GALNT13: variants seen among roughly 807,000 people sequenced by gnomAD.
The protein encoded by GALNT13 is polypeptide N-acetylgalactosaminyltransferase 13.
A neutral mutation model predicts 64.2 loss-of-function variants in GALNT13; 28 were observed. The ratio of observed to expected loss-of-function variants is 0.44; its 90% confidence interval spans 0.32 to 0.60. The LOEUF (loss-of-function observed/expected upper bound fraction) is 0.60. Ranked by LOEUF, GALNT13 falls within the 20% of genes least tolerant of loss-of-function variation. The probability of loss-of-function intolerance (pLI) is 0.05; values close to 1 mark genes in which losing one functional copy is unlikely to be tolerated. For missense variants in GALNT13, 577 were observed against 669.8 expected, an observed-to-expected ratio of 0.86 and a Z score of 1.53; for synonymous variants, 214 against 224.6, an observed-to-expected ratio of 0.95 and a Z score of 0.42.
the GALNT13 span, among the ~76,000 whole-genome samples, chr2:153,753,144 T>C: frequency 6.6e-6 from 1 of 152,172 alleles, no homozygotes; most frequent in Non-Finnish European, 1.5e-5. Flanking sequence ...CCTGAATTCC[T>C]TCTTTGTTGT....
chr2:154,082,753 GGTTT>G (rs1241408298), intron 3 of GALNT13, among the ~76,000 whole-genome samples: 3 of 151,608 alleles, frequency 2.0e-5, no homozygotes, highest in African/African-American at 7.3e-5. Context: ...CTTTTTGATG[GGTTT>G]GTTTGTTTGT....
chr2:154,372,893 C>T (rs78342568), intron 9 of GALNT13, among the ~76,000 whole-genome samples: 1 of 152,056 alleles, frequency 6.6e-6, no homozygotes, highest in East Asian at 1.9e-4. Flanking sequence ...TTACTTTTTG[C>T]CCTTTTCAAT....
intron 3 of GALNT13, among the ~76,000 whole-genome samples, chr2:153,989,120 A>T (rs1332656702): frequency 6.6e-6 from 1 of 152,024 alleles, no homozygotes; most frequent in Non-Finnish European, 1.5e-5. Context: ...CATTTCAAGG[A>T]CATTTCTAAA....
chr2:153,403,462 C>G, the GALNT13 span, among the ~76,000 whole-genome samples: 11 of 152,142 alleles, frequency 7.2e-5, no homozygotes, highest in East Asian at 1.7e-3. Flanking sequence ...CCACCCAGTT[C>G]GAGCTTCCTG....
chr2:154,082,070 C>T (rs545530794), intron 3 of GALNT13, among the ~76,000 whole-genome samples: 1 of 151,762 alleles, frequency 6.6e-6, no homozygotes, highest in East Asian at 1.9e-4. Context: ...ACCCTATATC[C>T]AAAGGTTACA....
At chr2:153,088,277 G>T in the GALNT13 span, among the ~76,000 whole-genome samples, 1 of 152,040 alleles carries the variant, frequency 6.6e-6, no homozygotes, top group East Asian at 1.9e-4. Flanking sequence ...TAGTTTTAGG[G>T]TTCCTTTTGG....
chr2:153,181,402 T>C, the GALNT13 span, among the ~76,000 whole-genome samples: 343 of 151,326 alleles, frequency 2.3e-3, 4 homozygotes, highest in African/African-American at 6.9e-3. Context: ...CTTAAATTTG[T>C]TAAGGCTCGG....
chr2:153,723,526 A>C, the GALNT13 span, among the ~76,000 whole-genome samples: 1 of 150,624 alleles, frequency 6.6e-6, no homozygotes, highest in African/African-American at 2.5e-5. Flanking sequence ...CCCTGTTTGC[A>C]GACGACATGA....
chr2:153,459,555 T>C, the GALNT13 span, among the ~76,000 whole-genome samples: 1 of 152,170 alleles, frequency 6.6e-6, no homozygotes, highest in African/African-American at 2.4e-5. Flanking sequence ...GGGGTCAATA[T>C]TGACAGAGCA....
intron 3 of GALNT13, among the ~76,000 whole-genome samples, chr2:154,133,992 A>G (rs1271902064): frequency 6.6e-6 from 1 of 152,104 alleles, no homozygotes; most frequent in East Asian, 1.9e-4. Flanking sequence ...TGTTTTCCAC[A>G]CATGGCTTCC....
chr2:153,213,293 T>C, the GALNT13 span, among the ~76,000 whole-genome samples: 1 of 152,216 alleles, frequency 6.6e-6, no homozygotes, highest in Non-Finnish European at 1.5e-5. Context: ...TGGGTTTGTG[T>C]CATAGCTGAA....
intron 3 of GALNT13, among the ~76,000 whole-genome samples, chr2:154,096,354 A>G (rs953996102): frequency 2.6e-5 from 4 of 151,976 alleles, no homozygotes; most frequent in African/African-American, 4.8e-5. Flanking sequence ...TAGTCTTCCT[A>G]CAAACCAGAA....
the GALNT13 span, among the ~76,000 whole-genome samples, chr2:153,292,078 T>C: frequency 2.0e-5 from 3 of 152,206 alleles, no homozygotes; most frequent in Admixed American, 6.5e-5. Flanking sequence ...GTTACACTTC[T>C]ATCCATGTTT....
the GALNT13 span, among the ~76,000 whole-genome samples, chr2:153,286,505 G>T: frequency 9.2e-5 from 14 of 152,080 alleles, no homozygotes. Flanking sequence ...GTTAAGAAAA[G>T]TTAGGAGGAG....
intron 3 of GALNT13, among the ~76,000 whole-genome samples, chr2:154,126,724 T>C (rs1682299953): frequency 6.6e-6 from 1 of 152,228 alleles, no homozygotes; most frequent in Non-Finnish European, 1.5e-5. Flanking sequence ...TTTTGTGATT[T>C]TCTAATTCTG....
chr2:154,275,879 A>G (rs192798951), intron 8 of GALNT13, among the ~76,000 whole-genome samples: 1 of 152,238 alleles, frequency 6.6e-6, no homozygotes, highest in Non-Finnish European at 1.5e-5. Flanking sequence ...GAGCTACCCA[A>G]GGCCGTGGGA....
the GALNT13 span, among the ~76,000 whole-genome samples, chr2:153,194,148 A>G: frequency 6.6e-6 from 1 of 152,182 alleles, no homozygotes; most frequent in Admixed American, 6.5e-5. Context: ...TGCTAGACTT[A>G]GGAAGTTTCC....
chr2:153,998,188 T>C (rs1695652625), intron 3 of GALNT13, among the ~76,000 whole-genome samples: 1 of 152,096 alleles, frequency 6.6e-6, no homozygotes, highest in South Asian at 2.1e-4. Context: ...CAAATGGTAT[T>C]TTTGGTTCCA....
intron 3 of GALNT13, among the ~76,000 whole-genome samples, chr2:153,968,996 A>G (rs2105119793): frequency 6.6e-6 from 1 of 152,066 alleles, no homozygotes; most frequent in African/African-American, 2.4e-5. Context: ...TTTGATCTGT[A>G]TATATTTTTA....
Sources: allele counts gnomAD v4.1 joint callset (sites outside exome capture counted in the v4.1 genomes callset), GRCh38; gene constraint gnomAD v4.1.1; transcripts MANE v1.5; gene names NCBI Gene and HGNC (gene_info 2026-07-23, HGNC 2026-07-21).